The following LRRC53 variants were observed in gnomAD, a reference collection of about 807,000 sequenced individuals.
LRRC53 encodes leucine-rich repeat-containing protein 53.
LRRC53 carries 25 observed loss-of-function variants against 13.6 expected under a neutral mutation model. The ratio of observed to expected loss-of-function variants is 1.83; its 90% CI spans 1.34 to 2.56. The LOEUF is 2.56. Among genes scored for constraint, LRRC53 ranks in the 30% most tolerant of loss-of-function variants. The pLI is 0.00. For missense variants in LRRC53, 527 were observed against 275.8 expected (o/e 1.91, Z -6.45); for synonymous variants, 204 against 109.8 (o/e 1.86, Z -5.37).
chr1:74,510,786 C>A (rs903371236), intron 1 of LRRC53, among the ~76,000 whole-genome samples: 1 of 152,226 alleles, frequency 6.6e-6, no homozygotes, highest in Non-Finnish European at 1.5e-5. Context: ...GTGTTGATTT[C>A]CCTCTAGGTA....
chr1:74,488,317 A>G (rs1030985221), intron 1 of LRRC53, among the ~76,000 whole-genome samples: 4 of 152,108 alleles, frequency 2.6e-5, no homozygotes, highest in African/African-American at 9.7e-5. Flanking sequence ...GTGAGAGGAA[A>G]CAGCTTATAA....
rs150052282 is a variant in LRRC53, at chr1:74,480,960, T to C, written c.97A>G (p.Met33Val). Residue 33 changes from methionine (M) to valine (V), a missense_variant, in exon 3 of 5, where the codon ATG (methionine) becomes GTG (valine). Transcript: ENST00000294635. Reference protein sequence around the residue: ...HQLTYIVAAPMTTRVLIITDG... With the variant: ...HQLTYIVAAPVTTRVLIITDG... ...GTGATGATTAAAACCCTCGTGGTCA[T>C]AGGGGCTGCTGTGGGGAAAAAAGCA... The C allele has an allele frequency of 1.1e-4, 79 of 711,808 alleles. No homozygotes were observed. The African/African-American group carries it at 1.2e-3, about 11-fold the overall frequency. The allele number at this position is 711,808 out of a possible 1,614,324, so 44.1% of individuals were successfully genotyped here. A position where few individuals can be genotyped will look rare whatever the true frequency, so the allele number is the denominator to read the frequency against.
intron 3 of LRRC53, 35 bp downstream of exon 3, chr1:74,480,118 G>C (rs1287679148): frequency 2.9e-6 from 2 of 685,224 alleles, no homozygotes; most frequent in Non-Finnish European, 5.4e-6. Context: ...GACAAGAGAA[G>C]AGAAAAGAGG....
At chr1:74,498,215 C>A (rs1345411562) in intron 1 of LRRC53, among the ~76,000 whole-genome samples, 1 of 152,176 alleles carries the variant, frequency 6.6e-6, no homozygotes, top group Admixed American at 6.5e-5. Context: ...TACCATCAAC[C>A]TATCACTGTA....
In LRRC53 at chr1:74,480,973, G is replaced by A. The variant is rs1220953633; in HGVS notation, c.89-5C>T. Reference sequence around the variant, plus strand: ...CCCTCGTGGTCATAGGGGCTGCTGTGGGGAAAAAAGCACAGACTAGATGCA... The same window carrying A: ...CCCTCGTGGTCATAGGGGCTGCTGTAGGGAAAAAAGCACAGACTAGATGCA... On this transcript the variant is annotated splice_polypyrimidine_tract_variant and splice_region_variant and intron_variant, in intron 2 of 4. Coordinates refer to ENST00000294635, the MANE Select transcript of LRRC53 (RefSeq NM_001382280.1). 2 of 701,110 alleles carry A rather than the reference G, an allele frequency of 2.9e-6. No individual in the cohort carries two copies. The highest frequency in any genetic ancestry group is 5.3e-6 in the Non-Finnish European group (2 of 377,276). The allele number at this position is 701,110 out of a possible 1,614,324, so 43.4% of individuals were successfully genotyped here. A position where few individuals can be genotyped will look rare whatever the true frequency, so the allele number is the denominator to read the frequency against.
At position 74,470,456 on chromosome 1, in the gene LRRC53, C is replaced by T. The variant is rs866975601; in HGVS notation, c.3166G>A (p.Glu1056Lys). The change falls in exon 5 of 5, where the codon GAA (glutamate) becomes AAA (lysine). Residue 1056 changes from glutamate (E) to lysine (K), a missense_variant. Glu to Lys is a moderately conservative substitution (Grantham distance 56). Transcript: ENST00000294635. ...GCATTTGTGCTGTCAATTCCTTTTT[C>T]GCTACTATTGGTTAGGTGCCAAACG... is the stretch of plus-strand genomic sequence containing the variant. ...QAVWHLTNSS[E>K]KGIDSTNALP... 8 of 400,470 alleles carry T rather than the reference C, an allele frequency of 2.0e-5. No individual in the cohort carries two copies. Among genetic ancestry groups the T allele is most frequent in the African/African-American group, 1.2e-4 (6 of 48,650 alleles). 24.8% of individuals were successfully genotyped at this position (400,470 alleles called of 1,614,324 possible).
chr1:74,524,239 T>A, the LRRC53 span, among the ~76,000 whole-genome samples: 3 of 152,046 alleles, frequency 2.0e-5, no homozygotes, highest in Non-Finnish European at 4.4e-5. Context: ...TTCTGAAGAG[T>A]CTGTTGGGAA....
intron 1 of LRRC53, among the ~76,000 whole-genome samples, chr1:74,502,349 G>A (rs1273338024): frequency 1.3e-5 from 2 of 152,092 alleles, no homozygotes; most frequent in African/African-American, 2.4e-5. Context: ...CAAACATGAT[G>A]CCATTGAATT....
chr1:74,523,328 T>C, the LRRC53 span, among the ~76,000 whole-genome samples: 6 of 152,224 alleles, frequency 3.9e-5, no homozygotes, highest in African/African-American at 7.2e-5. Context: ...TATCATCAAA[T>C]TTTGAGCATG....
chr1:74,485,764 G>T (rs1472637265), intron 1 of LRRC53, among the ~76,000 whole-genome samples: 1 of 152,186 alleles, frequency 6.6e-6, no homozygotes, highest in Non-Finnish European at 1.5e-5. Context: ...TAGCCATGTT[G>T]TGAACTGCCT....
the LRRC53 span, among the ~76,000 whole-genome samples, chr1:74,530,471 T>C: frequency 6.6e-6 from 1 of 152,150 alleles, no homozygotes; most frequent in East Asian, 1.9e-4. Context: ...GTAGAGTCCC[T>C]GGCGCTTAGC....
rs1206638005 is a variant in LRRC53, at chr1:74,475,755, T to C, written c.960A>G (p.Gln320=). ...GLVVFNWKLH[Q]GKANEHTSEN... ...CTGATGTGTGTTCATTTGCTTTGCC[T>C]TGGTGGAGTTTCCAGTTAAATACAA... The change falls in exon 4 of 5, where the codon CAA becomes CAG. Residue 320 remains glutamine, a synonymous_variant. Transcript: ENST00000294635. The C allele has an allele frequency of 1.9e-5, 12 of 645,892 alleles. No homozygotes were observed. The highest frequency in any genetic ancestry group is 3.1e-5 in the Non-Finnish European group (11 of 351,932). The allele number at this position is 645,892 out of a possible 1,614,324, so 40.0% of individuals were successfully genotyped here.
At chr1:74,526,768 G>A in the LRRC53 span, among the ~76,000 whole-genome samples, 2 of 152,188 alleles carry the variant, frequency 1.3e-5, no homozygotes, top group African/African-American at 4.8e-5. Context: ...TTGGCCCAAA[G>A]GGAGAAGGCA....
At chr1:74,528,458 C>T in the LRRC53 span, among the ~76,000 whole-genome samples, 8 of 151,954 alleles carry the variant, frequency 5.3e-5, no homozygotes, top group Non-Finnish European at 8.8e-5. Flanking sequence ...ATATTGGAGC[C>T]CCCGTGGGTA....
intron 1 of LRRC53, chr1:74,492,384 G>A: frequency 7.8e-7 from 1 of 1,278,342 alleles, no homozygotes. Context: ...AACTTTGAAA[G>A]AGGAGTTTTC....
At chr1:74,485,441 C>T (rs1219004136) in intron 1 of LRRC53, among the ~76,000 whole-genome samples, 3 of 152,118 alleles carry the variant, frequency 2.0e-5, no homozygotes, top group African/African-American at 7.2e-5. Flanking sequence ...CACACAGACT[C>T]CAGGGCTTTT....
At chr1:74,520,917 T>G in the LRRC53 span, among the ~76,000 whole-genome samples, 2 of 151,964 alleles carry the variant, frequency 1.3e-5, no homozygotes, top group African/African-American at 4.8e-5. Context: ...TGCACAGTTG[T>G]GAATAGTGGT....
At chr1:74,474,894 G>A in intron 4 of LRRC53, among the ~76,000 whole-genome samples, 1 of 151,992 alleles carries the variant, frequency 6.6e-6, no homozygotes, top group East Asian at 1.9e-4. Flanking sequence ...TCATGCTCTG[G>A]GAAGGTTGCT....
At chr1:74,502,305 T>A (rs1389683710) in intron 1 of LRRC53, among the ~76,000 whole-genome samples, 2 of 152,214 alleles carry the variant, frequency 1.3e-5, no homozygotes, top group African/African-American at 4.8e-5. Flanking sequence ...GCCAAACACC[T>A]ATTTGTGATG....
Sources: allele counts gnomAD v4.1 joint callset (sites outside exome capture counted in the v4.1 genomes callset), GRCh38; gene constraint gnomAD v4.1.1; transcripts MANE v1.5; gene names NCBI Gene and HGNC (gene_info 2026-07-23, HGNC 2026-07-21).